The following ADAM23 variants were observed in gnomAD, a reference collection of about 807,000 sequenced individuals.
ADAM23 encodes ADAM metallopeptidase domain 23, also known as disintegrin and metalloproteinase domain-containing protein 23.
Under a neutral mutation model 120.1 loss-of-function variants are expected in ADAM23, and 33 were observed. That is an observed-to-expected ratio of 0.27 (90% CI 0.21 to 0.37). ADAM23 has a LOEUF of 0.37. Among genes scored for constraint, ADAM23 ranks in the 10% least tolerant of loss-of-function variants. The pLI is 1.00. For missense variants in ADAM23, 862 were observed against 1,058.2 expected (o/e 0.81, Z 2.57); for synonymous variants, 367 against 375.2 (o/e 0.98, Z 0.25).
chr2:206,474,095 A>T (rs911520992), intron 2 of ADAM23, among the ~76,000 whole-genome samples: 2 of 152,106 alleles, frequency 1.3e-5, no homozygotes, highest in African/African-American at 4.8e-5. Context: ...TACATAAGGT[A>T]GGTATTTAAT....
intron 2 of ADAM23, among the ~76,000 whole-genome samples, chr2:206,472,688 A>C (rs976888021): frequency 2.0e-5 from 3 of 152,138 alleles, no homozygotes; most frequent in Non-Finnish European, 4.4e-5. Flanking sequence ...AATCTCTTTA[A>C]AATTGATTTA....
At chr2:206,460,408 T>A (rs891991386) in intron 2 of ADAM23, among the ~76,000 whole-genome samples, 2 of 152,226 alleles carry the variant, frequency 1.3e-5, no homozygotes, top group African/African-American at 2.4e-5. Context: ...ATTTATTTTT[T>A]AAAAAATATT....
intron 24 of ADAM23, among the ~76,000 whole-genome samples, chr2:206,598,069 C>T (rs1698564146): frequency 6.6e-6 from 1 of 152,182 alleles, no homozygotes; most frequent in African/African-American, 2.4e-5. Context: ...TCCACTTTTA[C>T]ACTTAGTCTT....
intron 9 of ADAM23, among the ~76,000 whole-genome samples, chr2:206,552,641 TA>T (rs1380644150): frequency 1.4e-4 from 21 of 152,032 alleles, no homozygotes; most frequent in Non-Finnish European, 2.4e-4. Context: ...TTCATTTTAT[TA>T]TTGTTGTTAG....
chr2:206,537,714 C>T (rs745504834), intron 4 of ADAM23, among the ~76,000 whole-genome samples: 21 of 152,066 alleles, frequency 1.4e-4, no homozygotes, highest in Non-Finnish European at 2.6e-4. Flanking sequence ...CCAGAGATAA[C>T]TTAAAGTTTG....
At position 206,443,892 on chromosome 2, in the gene ADAM23, G is replaced by C. The variant is rs1020847134; in HGVS notation, c.26G>C (p.Arg9Pro). Reference protein sequence around the residue: MKPPGSSSRQPPLAGCSLA... With the variant: MKPPGSSSPQPPLAGCSLA... Reference sequence around the variant, plus strand: ...ATGAAGCCGCCCGGCAGCAGCTCGCGGCAGCCGCCCCTGGCGGGCTGCAGC... The same window carrying C: ...ATGAAGCCGCCCGGCAGCAGCTCGCCGCAGCCGCCCCTGGCGGGCTGCAGC... The change falls in exon 1 of 26, where the codon CGG (arginine) becomes CCG (proline). Residue 9 changes from arginine to proline, a missense_variant. Coordinates refer to ENST00000264377, the MANE Select transcript of ADAM23 (RefSeq NM_003812.4). 4.7e-5 allele frequency: 55 copies of C among 1,169,650 alleles called. No individual in the cohort carries two copies. Among genetic ancestry groups the C allele is most frequent in the Non-Finnish European group, 5.7e-5 (54 of 950,854 alleles). 72.5% of individuals were successfully genotyped at this position (1,169,650 alleles called of 1,614,324 possible). A position where few individuals can be genotyped will look rare whatever the true frequency, so the allele number is the denominator to read the frequency against.
At chr2:206,551,927 G>T (rs995792927) in intron 9 of ADAM23, among the ~76,000 whole-genome samples, 2 of 152,084 alleles carry the variant, frequency 1.3e-5, no homozygotes, top group Non-Finnish European at 2.9e-5. Flanking sequence ...GGTCCTTTTT[G>T]GTGGAAAGGA....
chr2:206,614,181 T>C (rs1403207009), intron 25 of ADAM23, among the ~76,000 whole-genome samples: 1 of 152,250 alleles, frequency 6.6e-6, no homozygotes, highest in Non-Finnish European at 1.5e-5. Flanking sequence ...AATAAGTCTG[T>C]GTAATTATCA....
At chr2:206,577,980 T>C (rs1352439259) in intron 18 of ADAM23, among the ~76,000 whole-genome samples, 6 of 152,094 alleles carry the variant, frequency 3.9e-5, no homozygotes, top group African/African-American at 9.6e-5. Context: ...TGATATCTCA[T>C]TGTGGTTTTG....
At chr2:206,598,471 T>C (rs1017286490) in intron 24 of ADAM23, among the ~76,000 whole-genome samples, 2 of 152,152 alleles carry the variant, frequency 1.3e-5, no homozygotes, top group African/African-American at 4.8e-5. Flanking sequence ...TTTGCTTTAC[T>C]CTCTCCATTT....
intron 2 of ADAM23, among the ~76,000 whole-genome samples, chr2:206,473,349 A>G (rs1695699750): frequency 6.6e-6 from 1 of 152,158 alleles, no homozygotes; most frequent in African/African-American, 2.4e-5. Context: ...TCCAGCCCCC[A>G]GCAGACTCAC....
At chr2:206,514,353 G>C (rs6730048) in intron 3 of ADAM23, among the ~76,000 whole-genome samples, 95,281 of 151,932 alleles carry the variant, frequency 0.63, 30,267 homozygotes, top group African/African-American at 0.7. Context: ...GATTTCAACC[G>C]TCATGGATGA....
At chr2:206,572,658 G>A (rs902611164) in intron 17 of ADAM23, among the ~76,000 whole-genome samples, 2 of 152,070 alleles carry the variant, frequency 1.3e-5, no homozygotes, top group Non-Finnish European at 2.9e-5. Context: ...AAGGTAATTC[G>A]TATGAATTTA....
chr2:206,601,057 AG>A (rs1303105959), intron 24 of ADAM23, among the ~76,000 whole-genome samples: 18 of 152,374 alleles, frequency 1.2e-4, no homozygotes, highest in African/African-American at 4.3e-4. Flanking sequence ...TCTGTTTAAA[AG>A]ACCTAGAATT....
intron 18 of ADAM23, among the ~76,000 whole-genome samples, chr2:206,580,940 A>G (rs988133613): frequency 2.0e-5 from 3 of 152,114 alleles, no homozygotes; most frequent in African/African-American, 7.2e-5. Flanking sequence ...GATTTAAGCT[A>G]GGAGGGTTTC....
chr2:206,571,800 A>G lies in ADAM23; in HGVS notation c.1640A>G (p.Asn547Ser). The G allele has an allele frequency of 1.9e-6, 3 of 1,613,996 alleles. No homozygotes were observed. The highest frequency in any genetic ancestry group is 1.6e-4 in the Middle Eastern group (1 of 6,062). ...CACTGCAGCGACGGGCCCTGCTGTA[A>G]CAATACCTCATGTCTTGTGAGTTTT... The part of the protein sequence containing the change: ...GAHCSDGPCC[N>S]NTSCLFQPRG... The change falls in exon 17 of 26, where the codon AAC becomes AGC. Residue 547 changes from asparagine (N) to serine (S), a missense_variant. Physicochemically the swap from Asn to Ser is conservative, Grantham distance 46. Transcript: ENST00000264377.
chr2:206,456,380 A>G (rs1695301248), intron 2 of ADAM23, among the ~76,000 whole-genome samples: 1 of 151,956 alleles, frequency 6.6e-6, no homozygotes, highest in Admixed American at 6.6e-5. Flanking sequence ...CTCCTCTAAA[A>G]CTGGGGATTA....
At chr2:206,563,863 AG>A (rs1445250108) in intron 13 of ADAM23, among the ~76,000 whole-genome samples, 1 of 151,156 alleles carries the variant, frequency 6.6e-6, no homozygotes, top group Non-Finnish European at 1.5e-5. Context: ...CCGAGTAGCC[AG>A]GACTACAGGT....
At chr2:206,526,595 A>C (rs1175755782) in intron 3 of ADAM23, among the ~76,000 whole-genome samples, 1 of 152,180 alleles carries the variant, frequency 6.6e-6, no homozygotes, top group Non-Finnish European at 1.5e-5. Flanking sequence ...CAGGGATTTT[A>C]GTGGTCACAC....
Sources: allele counts gnomAD v4.1 joint callset (sites outside exome capture counted in the v4.1 genomes callset), GRCh38; gene constraint gnomAD v4.1.1; transcripts MANE v1.5; gene names NCBI Gene and HGNC (gene_info 2026-07-23, HGNC 2026-07-21).